Variants in ZNF544 observed in about 807,000 individuals in gnomAD.
ZNF544 encodes the protein zinc finger protein AF020591.
A neutral mutation model predicts 13.5 loss-of-function variants in ZNF544; 10 were observed. That is an observed-to-expected ratio of 0.74 (90% CI 0.46 to 1.25). The LOEUF is 1.25. Ranked by LOEUF, ZNF544 falls within the 50% of genes most tolerant of loss-of-function variation. ZNF544 has a pLI of 0.00. For missense variants in ZNF544, 896 were observed against 845.6 expected (o/e 1.06, Z -0.74); for synonymous variants, 323 against 300.5 (o/e 1.07, Z -0.77).
chr19:58,249,217 C>G (rs562321781), intron 6 of ZNF544, among the ~76,000 whole-genome samples: 12 of 152,122 alleles, frequency 7.9e-5, no homozygotes, highest in Non-Finnish European at 1.8e-4. Context: ...TACCTCATTT[C>G]CCCCCGAAAG....
At chr19:58,231,594 C>G (rs2041237038) in intron 3 of ZNF544, among the ~76,000 whole-genome samples, 1 of 152,056 alleles carries the variant, frequency 6.6e-6, no homozygotes, top group Admixed American at 6.6e-5. Flanking sequence ...TAAATGGGGT[C>G]TCACATGTTG....
intron 3 of ZNF544, among the ~76,000 whole-genome samples, chr19:58,233,973 C>T (rs951495887): frequency 1.3e-5 from 2 of 152,178 alleles, no homozygotes; most frequent in South Asian, 2.1e-4. Context: ...AGCCTCCACT[C>T]CCAATTCTAT....
At position 58,260,876 on chromosome 19, in the gene ZNF544, T is replaced by A. The variant is rs902896144; in HGVS notation, c.270T>A (p.Asn90Lys). 1.2e-6 allele frequency: 2 copies of A among 1,607,414 alleles called. No individual in the cohort carries two copies. The highest frequency in any genetic ancestry group is 1.7e-6 in the Non-Finnish European group (2 of 1,177,504). The change falls in exon 7 of 7, where the codon AAT (asparagine) becomes AAA (lysine). Residue 90 changes from asparagine (N) to lysine (K), a missense_variant. Asn to Lys is a moderately conservative substitution (Grantham distance 94). Transcript: ENST00000687789. ...PRDWKATLEE[N>K]RLNSEKDRAR... Reference sequence around the variant, plus strand: ...ACTGGAAAGCTACCCTTGAGGAGAATAGGTTGAATTCTGAAAAAGATCGAG... The same window carrying A: ...ACTGGAAAGCTACCCTTGAGGAGAAAAGGTTGAATTCTGAAAAAGATCGAG...
intron 5 of ZNF544, among the ~76,000 whole-genome samples, chr19:58,273,746 A>C (rs2050961902): frequency 6.6e-6 from 1 of 150,734 alleles, no homozygotes; most frequent in South Asian, 2.1e-4. Flanking sequence ...TTTTTGTCTC[A>C]AGACCCCTTC....
At chr19:58,244,201 G>T (rs1026205928) in intron 4 of ZNF544, 145 bp downstream of exon 4, 4 of 622,992 alleles carry the variant, frequency 6.4e-6, no homozygotes, top group Non-Finnish European at 1.1e-5. Flanking sequence ...CCAGCTCCCT[G>T]CAGTAAAGCG....
At position 58,263,401 on chromosome 19, in the gene ZNF544, C is replaced by A. The variant is rs951967287; in HGVS notation, c.*647C>A. Reference sequence around the variant, plus strand: ...ACTTGAGCTTGGGAGGCGGTGGTTGCAGTGAGCTGTGATCATGCCATCACA... The same window carrying A: ...ACTTGAGCTTGGGAGGCGGTGGTTGAAGTGAGCTGTGATCATGCCATCACA... On this transcript the variant is annotated 3_prime_UTR_variant, in exon 7 of 7. Transcript: ENST00000687789. 8 of 980,832 alleles carry A rather than the reference C, an allele frequency of 8.2e-6. No individual in the cohort carries two copies. The highest frequency in any genetic ancestry group is 1.1e-4 in the East Asian group (1 of 8,742). 60.8% of individuals were successfully genotyped at this position (980,832 alleles called of 1,614,324 possible).
intron 4 of ZNF544, among the ~76,000 whole-genome samples, chr19:58,244,888 T>G (rs2044748474): frequency 6.6e-6 from 1 of 151,978 alleles, no homozygotes; most frequent in African/African-American, 2.4e-5. Context: ...CTTCCTCTTC[T>G]TATAAGGACT....
At chr19:58,237,264 A>G (rs260481) in intron 3 of ZNF544, among the ~76,000 whole-genome samples, 47,093 of 151,698 alleles carry the variant, frequency 0.31, 8,246 homozygotes, top group East Asian at 0.6. Context: ...GGGTTTTGCC[A>G]TGTTGCCTAG....
intron 5 of ZNF544, among the ~76,000 whole-genome samples, chr19:58,271,533 T>C (rs1422674560): frequency 9.2e-5 from 14 of 151,976 alleles, no homozygotes; most frequent in Non-Finnish European, 2.1e-4. Context: ...CCCCAGGAGG[T>C]TGAGGCTGCA....
chr19:58,277,160 G>A (rs2051282827), intron 6 of ZNF544: 4 of 1,231,464 alleles, frequency 3.2e-6, no homozygotes, highest in Middle Eastern at 3.1e-4. Flanking sequence ...TGTGTAACTT[G>A]CCTAACACCT....
At chr19:58,275,783 C>CAAAAAAAAAAAAAAAAAAA (rs57148438) in intron 5 of ZNF544, among the ~76,000 whole-genome samples, 3 of 66,222 alleles carry the variant, frequency 4.5e-5, no homozygotes, top group African/African-American at 1.8e-4. Context: ...GACCCTGTCT[C>CAAAAAAAAAAAAAAAAAAA]AAAAAAAAAA....
At chr19:58,244,325 T>C (rs540611213) in intron 4 of ZNF544, among the ~76,000 whole-genome samples, 126 of 151,898 alleles carry the variant, frequency 8.3e-4, no homozygotes, top group Non-Finnish European at 1.5e-3. Context: ...CTGCTTGTGG[T>C]TGCTCCTCAG....
At chr19:58,229,135 G>C (rs1427160036) in intron 1 of ZNF544, 189 bp downstream of exon 1, 1 of 152,370 alleles carries the variant, frequency 6.6e-6, no homozygotes, top group Non-Finnish European at 1.5e-5. Context: ...GATCTCTCCG[G>C]CCTCAGGGAC....
intron 6 of ZNF544, 124 bp downstream of exon 6, chr19:58,246,918 C>A: frequency 1.3e-6 from 1 of 779,370 alleles, no homozygotes; most frequent in Non-Finnish European, 2.1e-6. Context: ...GTGCTCTTTG[C>A]AGCAGTTCAC....
In ZNF544 at chr19:58,261,075, T is replaced by C; in HGVS notation, c.469T>C (p.Cys157Arg). 1 of 1,614,204 alleles carries C rather than the reference T, an allele frequency of 6.2e-7. No individual in the cohort carries two copies. Among genetic ancestry groups the C allele is most frequent in the Non-Finnish European group, 8.5e-7 (1 of 1,180,040 alleles). ...SERLFAQREH[C>R]ELELGGGYSL... ...GAGACTGTTTGCTCAAAGGGAACAT[T>C]GTGAGCTTGAACTTGGGGGAGGTTA... Residue 157 changes from cysteine (C) to arginine (R), a missense_variant, in exon 7 of 7, where the codon TGT (cysteine) becomes CGT (arginine). By Grantham distance (180) the Cys-to-Arg change is radical. Coordinates refer to ENST00000687789, the MANE Select transcript of ZNF544 (RefSeq NM_014480.4).
intron 3 of ZNF544, among the ~76,000 whole-genome samples, chr19:58,233,943 A>G (rs1430734788): frequency 6.6e-6 from 1 of 152,212 alleles, no homozygotes; most frequent in Non-Finnish European, 1.5e-5. Flanking sequence ...TCTTGAATCT[A>G]GAAAGAGATG....
intron 6 of ZNF544, chr19:58,259,745 A>C (rs144107964): frequency 2.5e-4 from 38 of 152,200 alleles, no homozygotes; most frequent in African/African-American, 9.1e-4. Context: ...TACAGAAAAA[A>C]AATCCCCATT....
intron 5 of ZNF544, among the ~76,000 whole-genome samples, chr19:58,275,946 GGCTGAGGCA>G (rs1477152912): frequency 6.6e-6 from 1 of 152,044 alleles, no homozygotes; most frequent in Non-Finnish European, 1.5e-5. Context: ...CACTTTCAGA[GGCTGAGGCA>G]GATAAGATTG....
intron 3 of ZNF544, among the ~76,000 whole-genome samples, chr19:58,238,611 C>T (rs908576711): frequency 2.6e-5 from 4 of 152,236 alleles, no homozygotes; most frequent in East Asian, 3.9e-4. Context: ...CAGAGGAGTG[C>T]GTACGTGAGG....
Sources: allele counts gnomAD v4.1 joint callset (sites outside exome capture counted in the v4.1 genomes callset), GRCh38; gene constraint gnomAD v4.1.1; transcripts MANE v1.5; gene names NCBI Gene and HGNC (gene_info 2026-07-23, HGNC 2026-07-21).